MRPL36: variants seen among roughly 807,000 people sequenced by gnomAD.
MRPL36 encodes the protein large ribosomal subunit protein bL36m.
Under a neutral mutation model 2.8 loss-of-function variants are expected in MRPL36, and 1 was observed. The ratio of observed to expected loss-of-function variants is 0.36; its 90% CI spans 0.13 to 1.69. MRPL36 has a LOEUF of 1.69. MRPL36 is among the 40% of genes most tolerant of loss of function. The pLI, the probability that MRPL36 is intolerant of heterozygous loss-of-function variation, is 0.35. For missense variants in MRPL36, 148 were observed against 132.7 expected (o/e 1.12, Z -0.57); for synonymous variants, 68 against 54.8 (o/e 1.24, Z -1.06).
chr5:1,798,445 A>G lies in MRPL36; in HGVS notation c.*179T>C, dbSNP rs776411541. 7.2e-5 allele frequency: 43 copies of G among 593,374 alleles called. No homozygotes were observed. The highest frequency in any genetic ancestry group is 9.9e-5 in the Non-Finnish European group (34 of 342,952). The allele number at this position is 593,374 out of a possible 1,614,324, so 36.8% of individuals were successfully genotyped here. On this transcript the variant is annotated 3_prime_UTR_variant, in exon 2 of 2. Coordinates refer to ENST00000505059, the MANE Select transcript of MRPL36 (RefSeq NM_032479.4). ...TTAGTTGGAACGTTTTGGAAATAAGATAACGCAATGTCTTCTATAGTTACT... is the reference window on the plus strand; with the variant it reads ...TTAGTTGGAACGTTTTGGAAATAAGGTAACGCAATGTCTTCTATAGTTACT...
At chr5:1,800,246 T>G (rs1350961895), upstream of MRPL36, among the ~76,000 whole-genome samples, 4 of 152,158 alleles carry the variant, frequency 2.6e-5, no homozygotes, top group African/African-American at 9.7e-5. Context: ...CCCAACATTA[T>G]GAAAAACTTC....
upstream of MRPL36, chr5:1,801,363 G>T: frequency 6.3e-7 from 1 of 1,582,400 alleles, no homozygotes; most frequent in South Asian, 1.1e-5. Flanking sequence ...GAAGCCGTGC[G>T]CATGCGTTAG....
At chr5:1,798,968 G>C (rs778890044) in intron 1 of MRPL36, 21 bp from the exon 2 acceptor site, 38 of 1,527,838 alleles carry the variant, frequency 2.5e-5, no homozygotes, top group Non-Finnish European at 3.5e-6. Context: ...GAGAAAAAAA[G>C]GAGTTATAGC....
At chr5:1,800,836 C>G (rs1281427880), upstream of MRPL36, among the ~76,000 whole-genome samples, 1 of 152,184 alleles carries the variant, frequency 6.6e-6, no homozygotes, top group Non-Finnish European at 1.5e-5. Flanking sequence ...CCCCAATATA[C>G]GTTTCCTCTG....
At chr5:1,799,181 C>G (rs1733944788) in intron 1 of MRPL36, 1 of 464,350 alleles carries the variant, frequency 2.2e-6, no homozygotes. Flanking sequence ...CCGCCTGCTG[C>G]AAGTGTAGGT....
At chr5:1,801,281 G>A (rs1303035217), upstream of MRPL36, 8 of 1,317,740 alleles carry the variant, frequency 6.1e-6, no homozygotes, top group South Asian at 1.5e-5. Context: ...GAGCAGCTCC[G>A]GCGCACCCTC....
rs1733914594 is a variant in MRPL36 at position 1,798,536 on chromosome 5, C to A, written c.*88G>T. On this transcript the variant is annotated 3_prime_UTR_variant, in exon 2 of 2. Transcript: ENST00000505059. Reference sequence around the variant, plus strand: ...GCTTCCAGTCACTTTCCCCTGACTCCTTGATGTGATAATTCCTTCCATAAG... The same window carrying A: ...GCTTCCAGTCACTTTCCCCTGACTCATTGATGTGATAATTCCTTCCATAAG... 4 of 1,374,484 alleles carry A rather than the reference C, an allele frequency of 2.9e-6. No homozygotes were observed. Among genetic ancestry groups the A allele is most frequent in the Admixed American group, 4.2e-5 (2 of 47,902 alleles). The allele number at this position is 1,374,484 out of a possible 1,614,324, so 85.1% of individuals were successfully genotyped here.
In MRPL36 at chr5:1,798,408, G is replaced by T. The variant is rs1029770065; in HGVS notation, c.*216C>A. ...GCTATTCGGAAGGTCTATTTTAATA[G>T]GAAAATGTTTTTTAGTTGGAACGTT... On this transcript the variant is annotated 3_prime_UTR_variant, in exon 2 of 2. Transcript: ENST00000505059. 2.5e-5 allele frequency: 13 copies of T among 512,164 alleles called. No individual in the cohort carries two copies. Among genetic ancestry groups the T allele is most frequent in the African/African-American group, 2.3e-4 (12 of 52,248 alleles). 31.7% of individuals were successfully genotyped at this position (512,164 alleles called of 1,614,324 possible).
rs754896764 is a variant in MRPL36 at position 1,798,920 on chromosome 5, TA to T, written c.15del (p.Phe5LeufsTer2). On this transcript the variant is annotated frameshift_variant, in exon 2 of 2. Coordinates refer to ENST00000505059, the MANE Select transcript of MRPL36 (RefSeq NM_032479.4). LOFTEE classifies it low-confidence loss of function (END_TRUNC). ...AGCAGAGGGTTCACCATTTTCCTTA[TA>T]AAAAGATTTGCCATGTTGTGGTGAA... MANL[F>X]IRKMVNPLLY... 11 of 1,591,008 alleles carry T rather than the reference TA, an allele frequency of 6.9e-6. No individual in the cohort carries two copies. The highest frequency in any genetic ancestry group is 8.6e-6 in the Non-Finnish European group (10 of 1,163,566).
chr5:1,798,598 T>C lies in MRPL36; in HGVS notation c.*26A>G, dbSNP rs752801788. The C allele has an allele frequency of 1.9e-6, 3 of 1,579,192 alleles. No individual in the cohort carries two copies. The highest frequency in any genetic ancestry group is 2.6e-6 in the Non-Finnish European group (3 of 1,153,850). The stretch of plus-strand genomic sequence containing the variant: ...CTCCCAAGTGATGCGATGACGAGTA[T>C]GTGCGTGACTCTGGAGGGAAAGGGT... On this transcript the variant is annotated 3_prime_UTR_variant, in exon 2 of 2. Coordinates refer to ENST00000505059, the MANE Select transcript of MRPL36 (RefSeq NM_032479.4).
chr5:1,801,295 C>G (rs988583884), upstream of MRPL36: 1 of 1,404,782 alleles, frequency 7.1e-7, no homozygotes, highest in Non-Finnish European at 9.4e-7. Flanking sequence ...CACCCTCTGC[C>G]CCGACCCGCG....
At chr5:1,800,127 A>C (rs960887312), upstream of MRPL36, among the ~76,000 whole-genome samples, 6 of 152,266 alleles carry the variant, frequency 3.9e-5, no homozygotes, top group Non-Finnish European at 5.9e-5. Context: ...ACCAATGTCA[A>C]AACAAACTGA....
At chr5:1,800,530 C>G (rs1027860113), upstream of MRPL36, among the ~76,000 whole-genome samples, 4 of 152,056 alleles carry the variant, frequency 2.6e-5, no homozygotes, top group Admixed American at 1.3e-4. Flanking sequence ...CAGGACAAAT[C>G]TGCCTCTGAC....
At chr5:1,800,953 T>C (rs546850320), upstream of MRPL36, among the ~76,000 whole-genome samples, 2 of 152,334 alleles carry the variant, frequency 1.3e-5, no homozygotes, top group South Asian at 4.1e-4. Flanking sequence ...TTTTGATATT[T>C]AAATGTCTCA....
At chr5:1,799,063 G>A in intron 1 of MRPL36, 116 bp from the exon 2 acceptor site, 1 of 781,122 alleles carries the variant, frequency 1.3e-6, no homozygotes. Flanking sequence ...CGGGGACTGA[G>A]GGTGTTCCCA....
upstream of MRPL36, chr5:1,801,278 T>A: frequency 1.6e-6 from 2 of 1,286,224 alleles, no homozygotes; most frequent in Non-Finnish European, 2.1e-6. Context: ...AGAGAGCAGC[T>A]CCGGCGCACC....
chr5:1,798,782 G>A lies in MRPL36; in HGVS notation c.154C>T (p.Leu52Phe), dbSNP rs763190876. The A allele has an allele frequency of 3.7e-6, 6 of 1,614,086 alleles. No homozygotes were observed. Among genetic ancestry groups the A allele is most frequent in the South Asian group, 3.3e-5 (3 of 91,086 alleles). ...AGATGGGGCAGGAGGCCGGGTGAGA[G>A]AAGTGAGCGCACTGCTGCCCCGGGT... is the stretch of plus-strand genomic sequence containing the variant. ...VEPGAAVRSL[L>F]SPGLLPHLLP... is the part of the protein sequence containing the mutation. Residue 52 changes from leucine (L) to phenylalanine (F), a missense_variant, in exon 2 of 2, where the codon CTC (leucine) becomes TTC (phenylalanine). Leu to Phe is a conservative substitution (Grantham distance 22, BLOSUM62 0). Coordinates refer to ENST00000505059, the MANE Select transcript of MRPL36 (RefSeq NM_032479.4).
At chr5:1,800,410 G>A (rs1157290088), upstream of MRPL36, among the ~76,000 whole-genome samples, 1 of 152,120 alleles carries the variant, frequency 6.6e-6, no homozygotes, top group African/African-American at 2.4e-5. Flanking sequence ...AGTTGCAGAC[G>A]TGGCTGCGTC....
Position 1,798,696 on chromosome 5 carries a change from G to A in MRPL36, c.240C>T (p.Tyr80=), listed in dbSNP as rs371776792. The A allele has an allele frequency of 1.9e-5, 31 of 1,613,756 alleles. No homozygotes were observed. The highest frequency in any genetic ancestry group is 1.3e-4 in the African/African-American group (10 of 74,878). The change falls in exon 2 of 2, where the codon TAC becomes TAT. Residue 80 remains tyrosine, a synonymous_variant. Transcript: ENST00000505059. ...TVLKKRCKDC[Y]LVKRRGRWYV... is the part of the protein sequence containing the mutation. ...ACCACCGACCCCGCCTCTTCACCAGGTAACAGTCCTTGCAGCGCTTCTTAA... is the reference window on the plus strand; with the variant it reads ...ACCACCGACCCCGCCTCTTCACCAGATAACAGTCCTTGCAGCGCTTCTTAA...
Sources: gnomAD v4.1 joint callset for allele counts (sites outside exome capture counted in the v4.1 genomes callset) on GRCh38, gnomAD v4.1.1 for gene constraint, MANE v1.5 for transcripts, NCBI Gene and HGNC (gene_info 2026-07-23, HGNC 2026-07-21) for gene names.